Variants in ARHGAP10 observed in about 807,000 individuals in gnomAD.
The protein encoded by ARHGAP10 is Rho GTPase activating protein 10.
In ARHGAP10, 87 loss-of-function variants were observed where a neutral mutation model predicts 108.6. The ratio of observed to expected loss-of-function variants is 0.80; its 90% CI spans 0.67 to 0.96. ARHGAP10 has a LOEUF of 0.96. ARHGAP10 is among the 40% of genes least tolerant of loss of function. ARHGAP10 has a pLI of 0.00. For synonymous variants in ARHGAP10, 347 were observed against 341.1 expected (o/e 1.02, Z -0.19); for missense variants, 939 against 954.5 (o/e 0.98, Z 0.21).
intron 5 of ARHGAP10, chr4:147,862,270 C>T (rs1734351707): frequency 6.6e-6 from 1 of 152,570 alleles, no homozygotes; most frequent in Non-Finnish European, 1.5e-5. Flanking sequence ...CAACTTTGCT[C>T]CACACTGCAT....
intron 18 of ARHGAP10, among the ~76,000 whole-genome samples, chr4:147,996,621 C>A (rs1169871103): frequency 6.6e-6 from 1 of 152,200 alleles, no homozygotes; most frequent in South Asian, 2.1e-4. Context: ...GGGCAATGAC[C>A]AGGCTGCATA....
rs1005719350 is a variant in ARHGAP10, at chr4:148,032,700, G to A, written c.1867+9287G>A. Reference sequence around the variant, plus strand: ...AAGTCCCACAATAGGCCATCTGCAAGCTGAGGAGCAGGGAAGCTAGTCCAA... The same window carrying A: ...AAGTCCCACAATAGGCCATCTGCAAACTGAGGAGCAGGGAAGCTAGTCCAA... On this transcript the variant is annotated intron_variant, in intron 19 of 22. Coordinates refer to ENST00000336498, the MANE Select transcript of ARHGAP10 (RefSeq NM_024605.4). Among the ~76,000 whole-genome samples, 4 of 152,300 alleles carry A rather than the reference G, an allele frequency of 2.6e-5. No homozygotes were observed. In the East Asian group the frequency reaches 7.7e-4, roughly 29 times the overall value.
intron 10 of ARHGAP10, among the ~76,000 whole-genome samples, chr4:147,894,372 C>A (rs1024790559): frequency 2.6e-5 from 4 of 152,132 alleles, no homozygotes; most frequent in Admixed American, 2.0e-4. Flanking sequence ...CATGAAGTGT[C>A]TATTAAAATC....
intron 3 of ARHGAP10, among the ~76,000 whole-genome samples, chr4:147,841,844 A>T (rs950687998): frequency 6.6e-6 from 1 of 152,210 alleles, no homozygotes; most frequent in African/African-American, 2.4e-5. Flanking sequence ...TGAGTTGGAT[A>T]TAGTGTTATT....
intron 1 of ARHGAP10, among the ~76,000 whole-genome samples, chr4:147,773,395 A>G (rs927497922): frequency 6.6e-6 from 1 of 152,194 alleles, no homozygotes; most frequent in African/African-American, 2.4e-5. Context: ...GTGCTAATAA[A>G]TAAACATCCC....
At chr4:147,894,517 A>G (rs140490342) in intron 10 of ARHGAP10, among the ~76,000 whole-genome samples, 1 of 152,252 alleles carries the variant, frequency 6.6e-6, no homozygotes, top group East Asian at 1.9e-4. Context: ...CTTTTTCTTC[A>G]GTGTCTTTTG....
chr4:147,996,282 C>G (rs17024251), intron 18 of ARHGAP10, among the ~76,000 whole-genome samples: 21,951 of 151,998 alleles, frequency 0.14, 2,566 homozygotes, highest in African/African-American at 0.32. Context: ...GAAAGGCAGT[C>G]GAAAACAAAA....
intron 7 of ARHGAP10, among the ~76,000 whole-genome samples, chr4:147,867,611 A>G (rs1734617740): frequency 6.6e-6 from 1 of 152,156 alleles, no homozygotes; most frequent in African/African-American, 2.4e-5. Flanking sequence ...CATGCCTGTA[A>G]TCCCAGCACT....
chr4:147,870,185 A>G (rs1734758061), intron 7 of ARHGAP10, among the ~76,000 whole-genome samples: 1 of 151,594 alleles, frequency 6.6e-6, no homozygotes, highest in African/African-American at 2.4e-5. Flanking sequence ...AGTTCATGCC[A>G]TCCTTCTGCC....
At chr4:147,914,825 C>T (rs747617734) in intron 13 of ARHGAP10, among the ~76,000 whole-genome samples, 72 of 152,200 alleles carry the variant, frequency 4.7e-4, no homozygotes, top group African/African-American at 1.6e-3. Flanking sequence ...CTAATTCCTC[C>T]GCTGACCAAT....
At chr4:147,871,875 A>G (rs902698095) in intron 7 of ARHGAP10, among the ~76,000 whole-genome samples, 2 of 151,988 alleles carry the variant, frequency 1.3e-5, no homozygotes, top group Non-Finnish European at 2.9e-5. Context: ...TTGAGGCGGG[A>G]GGATCACTTG....
Position 147,998,180 on chromosome 4 carries a change from CA to C in ARHGAP10, c.1717-25082del, listed in dbSNP as rs1740554809. ...AGTAGCGTTTATGAATCCTAAATTT[CA>C]GGGGGGATTGGGAAGGATAAAAGAG... On this transcript the variant is annotated intron_variant, in intron 18 of 22. Coordinates refer to ENST00000336498, the MANE Select transcript of ARHGAP10 (RefSeq NM_024605.4). Among the ~76,000 whole-genome samples, 4 of 152,104 alleles carry C rather than the reference CA, an allele frequency of 2.6e-5. No homozygotes were observed. In the South Asian group the frequency reaches 8.3e-4, roughly 32 times the overall value.
In ARHGAP10 at chr4:148,063,127, CCTT is replaced by C; in HGVS notation, c.2028-19_2028-17del. The C allele has an allele frequency of 6.2e-7, 1 of 1,613,436 alleles. No homozygotes were observed. Among genetic ancestry groups the C allele is most frequent in the South Asian group, 1.1e-5 (1 of 90,960 alleles). ...GTGGCCTTTCTGCTATTAATCCTGT[CCTT>C]CAAACTCCTACCCTTAGCCCAGGCC... On this transcript the variant is annotated intron_variant, in intron 20 of 22. Transcript: ENST00000336498.
intron 1 of ARHGAP10, among the ~76,000 whole-genome samples, chr4:147,804,524 A>T (rs1446026885): frequency 6.6e-6 from 1 of 152,202 alleles, no homozygotes; most frequent in Non-Finnish European, 1.5e-5. Context: ...ATACCCAATA[A>T]TGGGATTGCT....
chr4:147,772,473 T>C (rs1039557777), intron 1 of ARHGAP10, among the ~76,000 whole-genome samples: 4 of 152,292 alleles, frequency 2.6e-5, no homozygotes, highest in Non-Finnish European at 5.9e-5. Flanking sequence ...GAAAGCAACA[T>C]GAGAAAAATG....
chr4:148,029,423 A>G (rs2149668219), intron 19 of ARHGAP10, among the ~76,000 whole-genome samples: 1 of 152,368 alleles, frequency 6.6e-6, no homozygotes, highest in Non-Finnish European at 1.5e-5. Flanking sequence ...ATGTGCTTTC[A>G]TAAGTGAATT....
rs114650109 is a variant in ARHGAP10 at position 147,987,220 on chromosome 4, A to T, written c.1716+20381A>T. On this transcript the variant is annotated intron_variant, in intron 18 of 22. Transcript: ENST00000336498. The stretch of plus-strand genomic sequence containing the variant: ...TAAGCTACATGCTTTCAGCAAAATC[A>T]TTGTAATTAAGAATGATAAAGTATA... Among the ~76,000 whole-genome samples the T allele has an allele frequency of 7.3e-3, 1,109 of 152,362 alleles. 19 individuals carry two copies. Among genetic ancestry groups the T allele is most frequent in the African/African-American group, 0.026 (1,070 of 41,590 alleles).
At chr4:147,759,798 G>T (rs1729521453) in intron 1 of ARHGAP10, among the ~76,000 whole-genome samples, 1 of 152,122 alleles carries the variant, frequency 6.6e-6, no homozygotes, top group South Asian at 2.1e-4. Context: ...GCCCAGGCTG[G>T]AATGCAGTGG....
At chr4:147,801,611 G>A (rs940300936) in intron 1 of ARHGAP10, among the ~76,000 whole-genome samples, 1 of 152,150 alleles carries the variant, frequency 6.6e-6, no homozygotes, top group African/African-American at 2.4e-5. Context: ...CTTATAAAAT[G>A]TTTCTTGCAA....
Sources: allele counts gnomAD v4.1 joint callset (sites outside exome capture counted in the v4.1 genomes callset), GRCh38; gene constraint gnomAD v4.1.1; transcripts MANE v1.5; gene names NCBI Gene and HGNC (gene_info 2026-07-23, HGNC 2026-07-21).